The following DIRAS2 variants were observed in gnomAD, a reference collection of about 807,000 sequenced individuals.
The protein encoded by DIRAS2 is DIRAS family GTPase 2.
A neutral mutation model predicts 13.9 loss-of-function variants in DIRAS2; 5 were observed. That is an observed-to-expected ratio of 0.36 (90% CI 0.19 to 0.76). The LOEUF (loss-of-function observed/expected upper bound fraction) is 0.76. DIRAS2 is among the 30% of genes least tolerant of loss of function. The pLI, the probability that DIRAS2 is intolerant of heterozygous loss-of-function variation, is 0.53. For missense variants in DIRAS2, 191 were observed against 263.0 expected, an observed-to-expected ratio of 0.73 and a Z score of 1.89; for synonymous variants, 111 against 105.4, an observed-to-expected ratio of 1.05 and a Z score of -0.33.
At chr9:90,633,563 G>A (rs1479196198) in intron 1 of DIRAS2, among the ~76,000 whole-genome samples, 1 of 152,230 alleles carries the variant, frequency 6.6e-6, no homozygotes, top group Non-Finnish European at 1.5e-5. Flanking sequence ...ACATTTGGGA[G>A]CTACCTGCAT....
chr9:90,622,276 T>TCATA (rs34592137), intron 1 of DIRAS2, among the ~76,000 whole-genome samples: 31,871 of 151,466 alleles, frequency 0.21, 3,757 homozygotes, highest in East Asian at 0.32. Flanking sequence ...ATACATACAT[T>TCATA]CATACATACA....
chr9:90,638,297 C>T (rs1282328652), intron 1 of DIRAS2, among the ~76,000 whole-genome samples: 1 of 152,070 alleles, frequency 6.6e-6, no homozygotes, highest in Non-Finnish European at 1.5e-5. Flanking sequence ...GTAAATCTGG[C>T]AAAATTAAAA....
intron 1 of DIRAS2, among the ~76,000 whole-genome samples, chr9:90,641,736 C>G (rs905603057): frequency 1.3e-5 from 2 of 152,112 alleles, no homozygotes; most frequent in African/African-American, 4.8e-5. Context: ...GTAAAATGCT[C>G]CAGACTTTTA....
intron 1 of DIRAS2, among the ~76,000 whole-genome samples, chr9:90,642,550 C>G (rs1271097314): frequency 1.3e-5 from 2 of 152,164 alleles, no homozygotes; most frequent in Non-Finnish European, 2.9e-5. Flanking sequence ...ATGTTTTAGA[C>G]AAGGACAGCA....
At position 90,613,958 on chromosome 9, in the gene DIRAS2, G is replaced by A. The variant is rs1173274665; in HGVS notation, c.-36-95C>T. 1.1e-5 allele frequency: 13 copies of A among 1,209,542 alleles called. No individual in the cohort carries two copies. The highest frequency in any genetic ancestry group is 1.5e-5 in the Non-Finnish European group (13 of 887,134). 74.9% of individuals were successfully genotyped at this position (1,209,542 alleles called of 1,614,324 possible). A position where few individuals can be genotyped will look rare whatever the true frequency, so the allele number is the denominator to read the frequency against. On this transcript the variant is annotated intron_variant, in intron 1 of 1. Transcript: ENST00000375765. The surrounding 1 kb of genome is among the most constrained non-coding windows in gnomAD (Gnocchi z 5.6). ...ACCCTCTTTTGATAGCTTAAAAATG[G>A]GAGGTGATAACATTTAAAATAGCGA...
chr9:90,642,126 G>A (rs2297353), intron 1 of DIRAS2, among the ~76,000 whole-genome samples: 2,483 of 152,364 alleles, frequency 0.016, 55 homozygotes, highest in South Asian at 0.08. Context: ...CTTTTCAGGC[G>A]AGCCTGGGAG....
chr9:90,620,921 T>C (rs1486187064), intron 1 of DIRAS2, among the ~76,000 whole-genome samples: 1 of 152,182 alleles, frequency 6.6e-6, no homozygotes, highest in African/African-American at 2.4e-5. Context: ...GATTATCCTA[T>C]CTTATTCATT....
intron 1 of DIRAS2, among the ~76,000 whole-genome samples, chr9:90,637,227 A>G (rs1825379635): frequency 6.6e-6 from 1 of 152,222 alleles, no homozygotes; most frequent in Non-Finnish European, 1.5e-5. Context: ...GGAGCCATCT[A>G]CAGATTTGTT....
Position 90,610,150 on chromosome 9 carries a change from C to T in DIRAS2, c.*3078G>A. 3.2e-6 allele frequency: 1 copy of T among 317,168 alleles called. No homozygotes were observed. Among genetic ancestry groups the T allele is most frequent in the Non-Finnish European group, 5.6e-6 (1 of 177,338 alleles). The allele number at this position is 317,168 out of a possible 1,614,324, so 19.6% of individuals were successfully genotyped here. The stretch of plus-strand genomic sequence containing the variant: ...CCAGAGAACTTATGTAGAAGCAACA[C>T]ATTACAAATTTTGGGGAAAAAAATT... On this transcript the variant is annotated 3_prime_UTR_variant, in exon 2 of 2. Coordinates refer to ENST00000375765, the MANE Select transcript of DIRAS2 (RefSeq NM_017594.5).
At chr9:90,628,045 A>AC (rs1825288602) in intron 1 of DIRAS2, among the ~76,000 whole-genome samples, 1 of 152,032 alleles carries the variant, frequency 6.6e-6, no homozygotes, top group Admixed American at 6.6e-5. Flanking sequence ...AAAAAGAAAA[A>AC]AAAATAGCAA....
chr9:90,624,403 T>C (rs941372426), intron 1 of DIRAS2, among the ~76,000 whole-genome samples: 13 of 142,534 alleles, frequency 9.1e-5, no homozygotes, highest in Non-Finnish European at 1.7e-4. Context: ...GAATCTTGTA[T>C]TGTAGTGTTG....
rs184397802 is a variant in DIRAS2 at position 90,627,465 on chromosome 9, C to T, written c.-36-13602G>A. Among the ~76,000 whole-genome samples the T allele has an allele frequency of 1.1e-4, 16 of 152,248 alleles. 1 individual carries two copies. The highest frequency in any genetic ancestry group is 5.9e-4 in the Admixed American group (9 of 15,296). ...TGTATGAATTCACTTATAGCGGGTACATATAGCAGTCAAATTCACAGAGAG... is the reference window on the plus strand; with the variant it reads ...TGTATGAATTCACTTATAGCGGGTATATATAGCAGTCAAATTCACAGAGAG... On this transcript the variant is annotated intron_variant, in intron 1 of 1. Transcript: ENST00000375765.
Position 90,613,932 on chromosome 9 carries a change from T to G in DIRAS2, c.-36-69A>C. The G allele has an allele frequency of 1.5e-4, 206 of 1,351,668 alleles. No individual in the cohort carries two copies. The highest frequency in any genetic ancestry group is 1.8e-4 in the Non-Finnish European group (184 of 1,006,004). 83.7% of individuals were successfully genotyped at this position (1,351,668 alleles called of 1,614,324 possible). On this transcript the variant is annotated intron_variant, in intron 1 of 1. Transcript: ENST00000375765. The surrounding 1 kb of genome is among the most constrained non-coding windows in gnomAD (Gnocchi z 5.6). ...ATAAAAACATTAATAAGGATAGCTC[T>G]ACCCTCTTTTGATAGCTTAAAAATG...
intron 1 of DIRAS2, among the ~76,000 whole-genome samples, chr9:90,627,352 G>C (rs1327643166): frequency 6.6e-6 from 1 of 152,154 alleles, no homozygotes; most frequent in Non-Finnish European, 1.5e-5. Flanking sequence ...GCCTTAAATG[G>C]GAAGAAAACT....
chr9:90,610,117 A>G lies in DIRAS2; in HGVS notation c.*3111T>C. 1 of 265,154 alleles carries G rather than the reference A, an allele frequency of 3.8e-6. No homozygotes were observed. The highest frequency in any genetic ancestry group is 7.0e-6 in the Non-Finnish European group (1 of 143,094). 16.4% of individuals were successfully genotyped at this position (265,154 alleles called of 1,614,324 possible). Reference sequence around the variant, plus strand: ...GATTTACATGTGTCCTATTAGTTGTAGATATTTCCAGAGAACTTATGTAGA... The same window carrying G: ...GATTTACATGTGTCCTATTAGTTGTGGATATTTCCAGAGAACTTATGTAGA... On this transcript the variant is annotated 3_prime_UTR_variant, in exon 2 of 2. Coordinates refer to ENST00000375765, the MANE Select transcript of DIRAS2 (RefSeq NM_017594.5).
In DIRAS2 at chr9:90,634,120, C is replaced by G. The variant is rs529311061; in HGVS notation, c.-37+8632G>C. ...TCAGAGTGGGGAGGCTCCCTCTGGT[C>G]CCCCTAGAAATGCAAGGGTGTCCAG... On this transcript the variant is annotated intron_variant, in intron 1 of 1. Coordinates refer to ENST00000375765, the MANE Select transcript of DIRAS2 (RefSeq NM_017594.5). 5.3e-5 allele frequency among the ~76,000 whole-genome samples: 8 copies of G among 152,246 alleles called. No individual in the cohort carries two copies. The East Asian group carries it at 1.3e-3, about 26-fold the overall frequency.
chr9:90,614,353 T>TGTGTGTGTGA (rs1491454540), intron 1 of DIRAS2, among the ~76,000 whole-genome samples: 54 of 138,994 alleles, frequency 3.9e-4, no homozygotes, highest in Admixed American at 3.7e-3. Flanking sequence ...TGTGTGTGTG[T>TGTGTGTGTGA]GAGAAATACT....
At chr9:90,625,436 C>T (rs1354834243) in intron 1 of DIRAS2, among the ~76,000 whole-genome samples, 1 of 152,226 alleles carries the variant, frequency 6.6e-6, no homozygotes, top group East Asian at 1.9e-4. Flanking sequence ...TTTCTCTTAA[C>T]AGTTTTATGG....
chr9:90,619,291 A>C (rs1825197637), intron 1 of DIRAS2, among the ~76,000 whole-genome samples: 1 of 151,756 alleles, frequency 6.6e-6, no homozygotes, highest in Non-Finnish European at 1.5e-5. Flanking sequence ...AATACAAAAA[A>C]AATTAGCCAG....
Sources: allele counts gnomAD v4.1 joint callset (sites outside exome capture counted in the v4.1 genomes callset), GRCh38; gene constraint gnomAD v4.1.1; non-coding constraint Gnocchi (gnomAD v3.1); transcripts MANE v1.5; gene names NCBI Gene and HGNC (gene_info 2026-07-23, HGNC 2026-07-21).